SPMAP2: variants seen among roughly 807,000 people sequenced by gnomAD.
The protein encoded by SPMAP2 is Theg homolog.
the SPMAP2 span, among the ~76,000 whole-genome samples, chr19:373,161 G>T: frequency 6.6e-6 from 1 of 152,176 alleles, no homozygotes; most frequent in African/African-American, 2.4e-5. Context: ...TCATTTGAAG[G>T]TATCTATGAT....
chr19:374,914 T>C, the SPMAP2 span, among the ~76,000 whole-genome samples: 1 of 152,234 alleles, frequency 6.6e-6, no homozygotes, highest in Non-Finnish European at 1.5e-5. Context: ...CCTTGCTTGA[T>C]GCAGCTGCTG....
At chr19:371,266 C>T in the SPMAP2 span, 231 of 1,519,594 alleles carry the variant, frequency 1.5e-4, 4 homozygotes, top group African/African-American at 2.8e-3. Context: ...TTCCTTCAGG[C>T]GACTCGACGC....
chr19:362,731 A>T, the SPMAP2 span, among the ~76,000 whole-genome samples: 1 of 139,514 alleles, frequency 7.2e-6, no homozygotes, highest in Non-Finnish European at 1.5e-5. Flanking sequence ...GCGTCACTGC[A>T]CTCCAGCCTG....
the SPMAP2 span, chr19:375,604 C>G: frequency 6.9e-7 from 1 of 1,456,096 alleles, no homozygotes; most frequent in African/African-American, 1.4e-5. Flanking sequence ...CCTCCCCCCA[C>G]TGCCAGGGGC....
At chr19:373,350 G>A in the SPMAP2 span, 2 of 911,156 alleles carry the variant, frequency 2.2e-6, no homozygotes, top group Non-Finnish European at 1.7e-6. Context: ...CCAGTGGGGA[G>A]GACAGAGGCT....
chr19:364,032 T>A, the SPMAP2 span, among the ~76,000 whole-genome samples: 1 of 151,928 alleles, frequency 6.6e-6, no homozygotes, highest in South Asian at 2.1e-4. Context: ...ACAGGGTGAA[T>A]TACAAATAAA....
chr19:365,969 T>C, the SPMAP2 span, among the ~76,000 whole-genome samples: 4 of 152,218 alleles, frequency 2.6e-5, no homozygotes, highest in South Asian at 8.3e-4. Flanking sequence ...GGTGAAAACC[T>C]GTCTCTACTA....
the SPMAP2 span, chr19:373,485 T>C: frequency 1.3e-4 from 202 of 1,613,240 alleles, 1 homozygote; most frequent in African/African-American, 2.5e-3. Context: ...ACTGTGATGG[T>C]GAGGGTGGTG....
At chr19:365,789 T>A in the SPMAP2 span, among the ~76,000 whole-genome samples, 35 of 149,710 alleles carry the variant, frequency 2.3e-4, no homozygotes, top group African/African-American at 6.4e-4. Flanking sequence ...ACAGCCACAC[T>A]CTCGCTCTAA....
chr19:370,088 C>T, the SPMAP2 span, among the ~76,000 whole-genome samples: 1 of 152,260 alleles, frequency 6.6e-6, no homozygotes, highest in East Asian at 1.9e-4. Flanking sequence ...CCAGACAATG[C>T]AAGATGGTGG....
At chr19:375,918 G>A in the SPMAP2 span, 315 of 1,489,254 alleles carry the variant, frequency 2.1e-4, 1 homozygote, top group Non-Finnish European at 2.6e-4. Flanking sequence ...CGACCTGCCC[G>A]CAGCCTCAGA....
At chr19:367,150 G>A in the SPMAP2 span, 6 of 1,612,310 alleles carry the variant, frequency 3.7e-6, no homozygotes, top group South Asian at 6.6e-5. Flanking sequence ...GGGTGGCTGG[G>A]GCCTTCGGCT....
the SPMAP2 span, among the ~76,000 whole-genome samples, chr19:363,858 G>A: frequency 1.3e-5 from 2 of 152,098 alleles, no homozygotes; most frequent in Admixed American, 6.6e-5. Flanking sequence ...TTTTGAGGCA[G>A]GGTCTTGCTG....
chr19:371,355 C>T, the SPMAP2 span: 5,772 of 1,287,696 alleles, frequency 4.5e-3, 144 homozygotes, highest in East Asian at 0.073. Flanking sequence ...ACCAGCAGCT[C>T]GGCCGGGGGT....
the SPMAP2 span, chr19:362,400 C>T: frequency 1.2e-4 from 188 of 1,606,418 alleles, no homozygotes; most frequent in Non-Finnish European, 1.5e-4. Flanking sequence ...CGGTCAGGAA[C>T]GCACTTGTCC....
chr19:367,391 G>A, the SPMAP2 span, among the ~76,000 whole-genome samples: 1 of 152,108 alleles, frequency 6.6e-6, no homozygotes, highest in Non-Finnish European at 1.5e-5. Context: ...CGCATAAAGA[G>A]CTCCTCCAAA....
chr19:362,911 A>G, the SPMAP2 span, among the ~76,000 whole-genome samples: 2 of 152,182 alleles, frequency 1.3e-5, no homozygotes, highest in Admixed American at 1.3e-4. Context: ...CAGCTACAGC[A>G]TGGCTGAGCC....
the SPMAP2 span, chr19:373,474 C>T: frequency 6.2e-7 from 1 of 1,613,264 alleles, no homozygotes; most frequent in East Asian, 2.2e-5. Flanking sequence ...ACCTACCGGG[C>T]ACTGTGATGG....
At chr19:365,042 C>T in the SPMAP2 span, among the ~76,000 whole-genome samples, 8 of 152,222 alleles carry the variant, frequency 5.3e-5, no homozygotes, top group African/African-American at 1.9e-4. Flanking sequence ...AGTGTGGAGT[C>T]TCTTCCACTA....
Sources: allele counts gnomAD v4.1 joint callset (sites outside exome capture counted in the v4.1 genomes callset), GRCh38; gene constraint gnomAD v4.1.1; transcripts MANE v1.5; gene names NCBI Gene and HGNC (gene_info 2026-07-23, HGNC 2026-07-21).